Variants in SMC1B observed in about 807,000 individuals in gnomAD.
SMC1B encodes the protein structural maintenance of chromosomes 1B.
Under a neutral mutation model 157.9 loss-of-function variants are expected in SMC1B, and 60 were observed. That is an observed-to-expected ratio of 0.38 (90% CI 0.31 to 0.47). The LOEUF (loss-of-function observed/expected upper bound fraction) is 0.47. Among genes scored for constraint, SMC1B ranks in the 20% least tolerant of loss-of-function variants. SMC1B has a pLI of 0.99. For synonymous variants in SMC1B, 445 were observed against 483.0 expected (o/e 0.92, Z 1.03); for missense variants, 1,165 against 1,426.2 (o/e 0.82, Z 2.95).
At position 45,408,936 on chromosome 22, in the gene SMC1B, A is replaced by G. The variant is rs781320301; in HGVS notation, c.110-38T>C. Reference sequence around the variant, plus strand: ...AGAGATAAAACATTATTCATTCTTAATGATAAAAAGCCCTACCCAGAGCTG... The same window carrying G: ...AGAGATAAAACATTATTCATTCTTAGTGATAAAAAGCCCTACCCAGAGCTG... On this transcript the variant is annotated intron_variant, in intron 1 of 24. Transcript: ENST00000357450. 9.1e-6 allele frequency: 12 copies of G among 1,318,544 alleles called. No homozygotes were observed. The African/African-American group carries it at 1.7e-4, about 18-fold the overall frequency. The allele number at this position is 1,318,544 out of a possible 1,614,324, so 81.7% of individuals were successfully genotyped here.
At chr22:45,395,763 A>G (rs1602088680) in intron 7 of SMC1B, among the ~76,000 whole-genome samples, 2 of 152,222 alleles carry the variant, frequency 1.3e-5, no homozygotes, top group East Asian at 3.8e-4. Flanking sequence ...AGGCTGAGAC[A>G]GGAGAATTGC....
chr22:45,352,682 C>T, intron 21 of SMC1B, 80 bp from the exon 22 acceptor site: 2 of 1,367,058 alleles, frequency 1.5e-6, no homozygotes, highest in South Asian at 2.8e-5. Context: ...GCAAAATATT[C>T]TATTGGTTAG....
intron 14 of SMC1B, 24 bp from the exon 15 acceptor site, chr22:45,370,084 TG>T (rs1427245915): frequency 1.0e-5 from 13 of 1,276,344 alleles, no homozygotes; most frequent in Non-Finnish European, 1.4e-5. Flanking sequence ...TTAAAACAAT[TG>T]ATTTAATAAG....
chr22:45,377,229 C>CT (rs1422036240), intron 12 of SMC1B, among the ~76,000 whole-genome samples: 1 of 152,012 alleles, frequency 6.6e-6, no homozygotes, highest in Non-Finnish European at 1.5e-5. Context: ...TTGCGTCTAG[C>CT]TTTTTTTTCC....
chr22:45,358,309 A>G (rs573958595), intron 19 of SMC1B, among the ~76,000 whole-genome samples: 139 of 152,298 alleles, frequency 9.1e-4, no homozygotes, highest in Non-Finnish European at 1.7e-3. Flanking sequence ...AGGAGTTGTG[A>G]AAACTCCTGA....
chr22:45,354,173 G>A lies in SMC1B; in HGVS notation c.3119-41C>T, dbSNP rs769845908. The A allele has an allele frequency of 1.8e-5, 26 of 1,443,462 alleles. No homozygotes were observed. The South Asian group carries it at 3.7e-4, about 20-fold the overall frequency. The allele number at this position is 1,443,462 out of a possible 1,614,324, so 89.4% of individuals were successfully genotyped here. On this transcript the variant is annotated intron_variant, in intron 20 of 24. Transcript: ENST00000357450. ...TGTTCTTTATTTTAGAGACCACTGAGGAGGTTCTTTTACTTAAACTGTAAA... is the reference window on the plus strand; with the variant it reads ...TGTTCTTTATTTTAGAGACCACTGAAGAGGTTCTTTTACTTAAACTGTAAA...
chr22:45,353,856 G>T, intron 21 of SMC1B, 122 bp downstream of exon 21: 3 of 752,476 alleles, frequency 4.0e-6, no homozygotes, highest in Non-Finnish European at 6.0e-6. Context: ...CCCCATGAGT[G>T]AGTTGCTCAA....
At position 45,402,425 on chromosome 22, in the gene SMC1B, C is replaced by T. The variant is rs374171722; in HGVS notation, c.762G>A (p.Glu254=). The T allele has an allele frequency of 9.9e-6, 16 of 1,613,820 alleles. No individual in the cohort carries two copies. The highest frequency in any genetic ancestry group is 1.7e-6 in the Non-Finnish European group (2 of 1,179,936). The change falls in exon 5 of 25, where the codon GAG becomes GAA. Residue 254 remains glutamate, a synonymous_variant. Transcript: ENST00000357450. ...HVNRDLSVKR[E]SLSHHENIVK... ...CTATGTTTTCATGATGAGACAAAGACTCTCTTTTGACACTCAAATCCCTAT... is the reference window on the plus strand; with the variant it reads ...CTATGTTTTCATGATGAGACAAAGATTCTCTTTTGACACTCAAATCCCTAT...
At chr22:45,410,487 G>A (rs745392669) in intron 1 of SMC1B, among the ~76,000 whole-genome samples, 6 of 152,170 alleles carry the variant, frequency 3.9e-5, no homozygotes, top group Non-Finnish European at 7.4e-5. Flanking sequence ...AAGATCACCC[G>A]AGGTCAGGGG....
In SMC1B at chr22:45,387,037, T is replaced by C; in HGVS notation, c.1741A>G (p.Ile581Val). 1 of 1,612,844 alleles carries C rather than the reference T, an allele frequency of 6.2e-7. No individual in the cohort carries two copies. The highest frequency in any genetic ancestry group is 8.5e-7 in the Non-Finnish European group (1 of 1,179,086). Residue 581 changes from isoleucine (I) to valine (V), a missense_variant, in exon 11 of 25, where the codon ATC becomes GTC. Physicochemically the swap from Ile to Val is conservative, Grantham distance 29. Transcript: ENST00000357450. ...LALDYLDIKP[I>V]NERLRELKGC... ...TTAAGCTCCCTTAGTCTTTCATTGATTGGCTTGATCTAAAGGGTTTTAAAA... is the reference window on the plus strand; with the variant it reads ...TTAAGCTCCCTTAGTCTTTCATTGACTGGCTTGATCTAAAGGGTTTTAAAA...
chr22:45,399,307 C>A lies in SMC1B; in HGVS notation c.901G>T (p.Ala301Ser). 1 of 1,613,948 alleles carries A rather than the reference C, an allele frequency of 6.2e-7. No individual in the cohort carries two copies. The highest frequency in any genetic ancestry group is 2.2e-5 in the East Asian group (1 of 44,870). The change falls in exon 6 of 25, where the codon GCC (alanine) becomes TCC (serine). Residue 301 changes from alanine to serine, a missense_variant. Physicochemically the swap from Ala to Ser is moderately conservative, Grantham distance 99. Transcript: ENST00000357450. Reference protein sequence around the residue: ...LNQKRPQYIKAKENTSHHLKK... With the variant: ...LNQKRPQYIKSKENTSHHLKK... ...AGGTGGTGAGAAGTGTTTTCTTTGGCTTTAATGTACTGAGGCCTCTTCTGA... is the reference window on the plus strand; with the variant it reads ...AGGTGGTGAGAAGTGTTTTCTTTGGATTTAATGTACTGAGGCCTCTTCTGA...
intron 20 of SMC1B, among the ~76,000 whole-genome samples, chr22:45,354,735 T>A (rs912445693): frequency 6.6e-6 from 1 of 152,100 alleles, no homozygotes; most frequent in Non-Finnish European, 1.5e-5. Flanking sequence ...ATTAAAAAAA[T>A]ACATGTGTTT....
Position 45,362,907 on chromosome 22 carries a change from TCACTA to T in SMC1B, c.2535_2539del (p.Ser846ArgfsTer3). The stretch of plus-strand genomic sequence containing the variant: ...TACCTTCTTTAGGTGATCAATATCT[TCACTA>T]CCTTTCTGGATAGTTTCTTTTAATG... On this transcript the variant is annotated frameshift_variant, in exon 16 of 25. Transcript: ENST00000357450. LOFTEE classifies it high-confidence loss of function. The T allele has an allele frequency of 1.3e-6, 2 of 1,599,454 alleles. No individual in the cohort carries two copies. Among genetic ancestry groups the T allele is most frequent in the Non-Finnish European group, 1.7e-6 (2 of 1,173,786 alleles).
chr22:45,405,515 G>A (rs1473343988), intron 4 of SMC1B, among the ~76,000 whole-genome samples: 1 of 151,838 alleles, frequency 6.6e-6, no homozygotes, highest in Admixed American at 6.6e-5. Flanking sequence ...TCATGCCACT[G>A]CACTCCAGCC....
intron 14 of SMC1B, among the ~76,000 whole-genome samples, chr22:45,371,221 G>A (rs888564651): frequency 2.0e-5 from 3 of 152,196 alleles, no homozygotes; most frequent in Non-Finnish European, 2.9e-5. Context: ...TTTTCACAGT[G>A]GGCAAGGAGA....
chr22:45,380,270 C>T (rs2086923573), intron 12 of SMC1B, among the ~76,000 whole-genome samples: 1 of 152,054 alleles, frequency 6.6e-6, no homozygotes, highest in Admixed American at 6.5e-5. Context: ...GCTTCTATAA[C>T]CTATAGGTTA....
chr22:45,400,959 T>A lies in SMC1B; in HGVS notation c.854+1374A>T, dbSNP rs182130993. ...TGTTCTATAAAAAAACTGACCAATA[T>A]TCCTCAAAATTGTCAAGTTCATCAA... On this transcript the variant is annotated intron_variant, in intron 5 of 24. Coordinates refer to ENST00000357450, the MANE Select transcript of SMC1B (RefSeq NM_148674.5). Among the ~76,000 whole-genome samples the A allele has an allele frequency of 3.9e-5, 6 of 152,254 alleles. No homozygotes were observed. The East Asian group carries it at 1.2e-3, about 29-fold the overall frequency.
chr22:45,408,939 A>AT (rs2087296482), intron 1 of SMC1B, 41 bp from the exon 2 acceptor site: 1 of 1,281,330 alleles, frequency 7.8e-7, no homozygotes, highest in African/African-American at 1.5e-5. Context: ...ATTCTTAATG[A>AT]TAAAAAGCCC....
intron 12 of SMC1B, among the ~76,000 whole-genome samples, chr22:45,373,111 A>C (rs1334452209): frequency 6.6e-6 from 1 of 152,162 alleles, no homozygotes; most frequent in African/African-American, 2.4e-5. Flanking sequence ...CCCAGCTCCC[A>C]GTTCTTCTGC....
Sources: allele counts gnomAD v4.1 joint callset (sites outside exome capture counted in the v4.1 genomes callset), GRCh38; gene constraint gnomAD v4.1.1; transcripts MANE v1.5; gene names NCBI Gene and HGNC (gene_info 2026-07-23, HGNC 2026-07-21).